LYPD6: variants seen among roughly 807,000 people sequenced by gnomAD.
The protein encoded by LYPD6 is LY6/PLAUR domain containing 6, also known as ly6/PLAUR domain-containing protein 6.
Under a neutral mutation model 22.7 loss-of-function variants are expected in LYPD6, and 15 were observed. That is an observed-to-expected ratio of 0.66 (90% CI 0.44 to 1.02). The LOEUF (loss-of-function observed/expected upper bound fraction) is 1.02, where lower values mean the gene tolerates loss of function less well. LYPD6 is among the 50% of genes least tolerant of loss of function. LYPD6 has a pLI of 0.00. For missense variants in LYPD6, 189 were observed against 208.4 expected, an observed-to-expected ratio of 0.91 and a Z score of 0.57; for synonymous variants, 72 against 77.5, an observed-to-expected ratio of 0.93 and a Z score of 0.37.
chr2:149,400,926 ATGAAAGCTT>A (rs1395208459), intron 1 of LYPD6, among the ~76,000 whole-genome samples: 1 of 152,220 alleles, frequency 6.6e-6, no homozygotes, highest in Non-Finnish European at 1.5e-5. Context: ...GAAAGCAGGT[ATGAAAGCTT>A]TGGGGGATAC....
chr2:149,434,765 C>A (rs150940873), intron 1 of LYPD6, among the ~76,000 whole-genome samples: 2 of 152,096 alleles, frequency 1.3e-5, no homozygotes, highest in Non-Finnish European at 2.9e-5. Context: ...AGGATAATCA[C>A]GGCAAGTTCC....
At chr2:149,455,512 C>G (rs1680937968) in intron 3 of LYPD6, among the ~76,000 whole-genome samples, 1 of 152,146 alleles carries the variant, frequency 6.6e-6, no homozygotes, top group Non-Finnish European at 1.5e-5. Flanking sequence ...CCCACCTCGG[C>G]CTTCCAAAGT....
At chr2:149,356,498 T>C (rs1559122882) in intron 1 of LYPD6, among the ~76,000 whole-genome samples, 1 of 152,226 alleles carries the variant, frequency 6.6e-6, no homozygotes, top group Non-Finnish European at 1.5e-5. Context: ...CTGGATGTCT[T>C]CTTTTTCCCC....
intron 1 of LYPD6, among the ~76,000 whole-genome samples, chr2:149,388,280 CA>C (rs1171319186): frequency 7.3e-5 from 11 of 151,068 alleles, no homozygotes; most frequent in Admixed American, 1.3e-4. Flanking sequence ...GTTGGTGTGC[CA>C]TGGATATACA....
chr2:149,339,460 A>G (rs1463190925), intron 1 of LYPD6, among the ~76,000 whole-genome samples: 2 of 152,144 alleles, frequency 1.3e-5, no homozygotes, highest in Admixed American at 6.6e-5. Context: ...AGCCCCAAGC[A>G]TGGTGTCCTA....
chr2:149,479,040 C>G (rs1681482876), downstream of LYPD6, among the ~76,000 whole-genome samples: 1 of 152,160 alleles, frequency 6.6e-6, no homozygotes, highest in East Asian at 1.9e-4. Context: ...CTCTTTATAC[C>G]AGTCCAGTCT....
chr2:149,343,340 A>AC (rs1281201226), intron 1 of LYPD6, among the ~76,000 whole-genome samples: 4 of 152,198 alleles, frequency 2.6e-5, no homozygotes, highest in African/African-American at 9.6e-5. Context: ...ATTAAAAAAA[A>AC]ACTTTTCGAT....
downstream of LYPD6, among the ~76,000 whole-genome samples, chr2:149,476,052 A>G (rs1451710115): frequency 6.6e-6 from 1 of 152,192 alleles, no homozygotes; most frequent in Admixed American, 6.5e-5. Context: ...GCTTAGATTT[A>G]TACAGGAGAG....
chr2:149,414,695 G>C (rs1171229475), intron 1 of LYPD6, among the ~76,000 whole-genome samples: 1 of 152,156 alleles, frequency 6.6e-6, no homozygotes, highest in Non-Finnish European at 1.5e-5. Flanking sequence ...TAAATTAATT[G>C]CCTCTTTGGT....
Position 149,458,684 on chromosome 2 carries a change from TAAC to T in LYPD6, c.217+9540_217+9542del, listed in dbSNP as rs1294077149. Among the ~76,000 whole-genome samples, 5 of 152,008 alleles carry T rather than the reference TAAC, an allele frequency of 3.3e-5. No individual in the cohort carries two copies. In the East Asian group the frequency reaches 7.7e-4, roughly 23 times the overall value. ...ATAATAAAAATGTTTCAGTAAGTAA[TAAC>T]AAACACACTTGAAACAAATTTTTAA... On this transcript the variant is annotated intron_variant, in intron 3 of 4. Transcript: ENST00000334166.
At chr2:149,480,963 A>T in the LYPD6 span, among the ~76,000 whole-genome samples, 1 of 152,140 alleles carries the variant, frequency 6.6e-6, no homozygotes, top group African/African-American at 2.4e-5. Flanking sequence ...CTGAAACTTC[A>T]TTGCAGCCCA....
chr2:149,435,923 T>C (rs1466238743), intron 1 of LYPD6, among the ~76,000 whole-genome samples: 1 of 152,230 alleles, frequency 6.6e-6, no homozygotes, highest in East Asian at 1.9e-4. Context: ...TAATTTAGCA[T>C]GTTATGCATT....
At chr2:149,421,295 C>A (rs368330970) in intron 1 of LYPD6, among the ~76,000 whole-genome samples, 17 of 143,820 alleles carry the variant, frequency 1.2e-4, no homozygotes, top group African/African-American at 4.2e-4. Context: ...GAGGCTGAGG[C>A]AAGAGAATTG....
intron 1 of LYPD6, among the ~76,000 whole-genome samples, chr2:149,404,526 T>C (rs1252596926): frequency 6.6e-6 from 1 of 152,166 alleles, no homozygotes; most frequent in East Asian, 1.9e-4. Context: ...ATGATTTGGC[T>C]CTCTGTTTGT....
chr2:149,340,727 C>T (rs1332313413), intron 1 of LYPD6, among the ~76,000 whole-genome samples: 4 of 152,112 alleles, frequency 2.6e-5, no homozygotes, highest in Non-Finnish European at 4.4e-5. Context: ...TAAAATTACC[C>T]ATTAATGCTG....
chr2:149,353,510 C>T (rs1681396561), intron 1 of LYPD6, among the ~76,000 whole-genome samples: 1 of 152,138 alleles, frequency 6.6e-6, no homozygotes, highest in South Asian at 2.1e-4. Context: ...AGTTAAATTC[C>T]TTTAATAACG....
intron 1 of LYPD6, among the ~76,000 whole-genome samples, chr2:149,341,452 T>C (rs1240920390): frequency 6.6e-6 from 1 of 152,230 alleles, no homozygotes; most frequent in Non-Finnish European, 1.5e-5. Flanking sequence ...CCTGTATTTT[T>C]AGTCTTATTT....
intron 3 of LYPD6, among the ~76,000 whole-genome samples, chr2:149,464,839 T>G (rs1167993093): frequency 1.3e-5 from 2 of 152,200 alleles, no homozygotes. Context: ...GAGAAAAGTC[T>G]GAGCTGATTC....
At chr2:149,402,686 A>G (rs1048921806) in intron 1 of LYPD6, among the ~76,000 whole-genome samples, 21 of 151,766 alleles carry the variant, frequency 1.4e-4, no homozygotes, top group Admixed American at 1.2e-3. Flanking sequence ...TCTTCTTTTG[A>G]GAATTGTCTA....
Sources: allele counts gnomAD v4.1 joint callset (sites outside exome capture counted in the v4.1 genomes callset), GRCh38; gene constraint gnomAD v4.1.1; transcripts MANE v1.5; gene names NCBI Gene and HGNC (gene_info 2026-07-23, HGNC 2026-07-21).